Variants in DAPK1 observed in about 807,000 individuals in gnomAD.
The protein encoded by DAPK1 is death-associated protein kinase 1.
A neutral mutation model predicts 144.9 loss-of-function variants in DAPK1; 56 were observed. That is an observed-to-expected ratio of 0.39 (90% CI 0.31 to 0.48). The LOEUF is 0.48. Among genes scored for constraint, DAPK1 ranks in the 20% least tolerant of loss-of-function variants. The pLI, the probability that DAPK1 is intolerant of heterozygous loss-of-function variation, is 0.95. For synonymous variants in DAPK1, 690 were observed against 749.0 expected (o/e 0.92, Z 1.29); for missense variants, 1,454 against 1,875.4 (o/e 0.78, Z 4.15).
At chr9:87,550,859 T>G (rs549978476) in intron 2 of DAPK1, among the ~76,000 whole-genome samples, 68 of 152,366 alleles carry the variant, frequency 4.5e-4, no homozygotes, top group African/African-American at 1.5e-3. Flanking sequence ...GTGCCGTTTT[T>G]GGCTGTCGTG....
chr9:87,529,207 A>ACTTTACTT (rs1464220601), intron 2 of DAPK1, among the ~76,000 whole-genome samples: 8 of 152,166 alleles, frequency 5.3e-5, no homozygotes, highest in Non-Finnish European at 1.0e-4. Flanking sequence ...TTCCAAGTGT[A>ACTTTACTT]CTTTACTTCC....
rs550935028 is a variant in DAPK1 at position 87,621,577 on chromosome 9, A to C, written c.285-16366A>C. On this transcript the variant is annotated intron_variant, in intron 3 of 25. Coordinates refer to ENST00000408954, the MANE Select transcript of DAPK1 (RefSeq NM_004938.4). Reference sequence around the variant, plus strand: ...GTGTGCCATTTTCTGAGTATTTTCCAGACTCTGTGTTTCTCTTGAAATCTA... The same window carrying C: ...GTGTGCCATTTTCTGAGTATTTTCCCGACTCTGTGTTTCTCTTGAAATCTA... 2.7e-4 allele frequency among the ~76,000 whole-genome samples: 41 copies of C among 152,132 alleles called. 4 individuals carry two copies. The South Asian group carries it at 7.7e-3, about 29-fold the overall frequency.
Position 87,706,788 on chromosome 9 carries a change from C to T in DAPK1, c.3717C>T (p.Pro1239=), listed in dbSNP as rs1825657289. ...TGACCGTGAAGCATTACCTGAGCCCCCAGCAGCTGCGGGAGCACCATGAGC... is the reference window on the plus strand; with the variant it reads ...TGACCGTGAAGCATTACCTGAGCCCTCAGCAGCTGCGGGAGCACCATGAGC... ...GLLTVKHYLS[P]QQLREHHEPV... is the part of the protein sequence containing the mutation. The change falls in exon 26 of 26, where the codon CCC becomes CCT. Residue 1239 remains proline (P), a synonymous_variant. Transcript: ENST00000408954. This position sits in a 1 kb window ranked among gnomAD's most constrained non-coding sequence, Gnocchi z 9.0. 1 of 1,613,442 alleles carries T rather than the reference C, an allele frequency of 6.2e-7. No homozygotes were observed. Among genetic ancestry groups the T allele is most frequent in the African/African-American group, 1.3e-5 (1 of 74,924 alleles).
intron 3 of DAPK1, among the ~76,000 whole-genome samples, chr9:87,605,388 G>A (rs1005940163): frequency 6.6e-6 from 1 of 152,164 alleles, no homozygotes; most frequent in Admixed American, 6.5e-5. Context: ...CATCACTGTG[G>A]TTCCACCCAG....
In DAPK1 at chr9:87,698,685, CA is replaced by C. The variant is rs1825350860; in HGVS notation, c.2643del (p.Val882LeufsTer11). On this transcript the variant is annotated frameshift_variant, in exon 23 of 26. Transcript: ENST00000408954. LOFTEE classifies it high-confidence loss of function. ...AFGGKLKNPL[Q>X]VVLVATHADI... ...CGGTGGCAAGCTGAAGAACCCACTC[CA>C]AGTTGTCCTGGTGGCCACCCACGCT... is the stretch of plus-strand genomic sequence containing the variant. 5.0e-6 allele frequency: 8 copies of C among 1,605,912 alleles called. No homozygotes were observed. The highest frequency in any genetic ancestry group is 6.8e-6 in the Non-Finnish European group (8 of 1,172,520).
At chr9:87,696,650 G>A (rs3128492) in intron 21 of DAPK1, among the ~76,000 whole-genome samples, 57,409 of 151,912 alleles carry the variant, frequency 0.38, 12,245 homozygotes, top group Middle Eastern at 0.59. Flanking sequence ...ATCAATCCAC[G>A]TTCTCAGGAC....
At chr9:87,633,083 G>A (rs1829768170) in intron 3 of DAPK1, 1 of 979,550 alleles carries the variant, frequency 1.0e-6, no homozygotes. Flanking sequence ...GAATATATAT[G>A]TAGGAATGAA....
intron 2 of DAPK1, among the ~76,000 whole-genome samples, chr9:87,554,973 G>A (rs1266662485): frequency 1.3e-5 from 2 of 152,206 alleles, no homozygotes; most frequent in African/African-American, 4.8e-5. Flanking sequence ...TTGATCTCTG[G>A]AGAGGGTTCT....
At chr9:87,614,983 T>C (rs1320103471) in intron 3 of DAPK1, among the ~76,000 whole-genome samples, 13 of 152,160 alleles carry the variant, frequency 8.5e-5, no homozygotes, top group Admixed American at 8.5e-4. Context: ...CGGGGATGGT[T>C]CGTCTCCAGC....
intron 2 of DAPK1, among the ~76,000 whole-genome samples, chr9:87,521,950 T>C (rs1359960580): frequency 6.6e-6 from 1 of 152,210 alleles, no homozygotes; most frequent in Non-Finnish European, 1.5e-5. Context: ...GGTGGCTTTA[T>C]AAGAGGAAGA....
At chr9:87,636,202 T>C (rs1353489515) in intron 3 of DAPK1, among the ~76,000 whole-genome samples, 1 of 152,166 alleles carries the variant, frequency 6.6e-6, no homozygotes, top group Non-Finnish European at 1.5e-5. Context: ...AGGCCACTGC[T>C]GAGGCAGGGT....
intron 2 of DAPK1, among the ~76,000 whole-genome samples, chr9:87,550,793 A>G (rs1054210083): frequency 4.6e-5 from 7 of 152,226 alleles, no homozygotes; most frequent in Non-Finnish European, 8.8e-5. Context: ...GTAGTGCTCC[A>G]TTCTAGAAAT....
chr9:87,594,247 T>A (rs1828238782), intron 2 of DAPK1, among the ~76,000 whole-genome samples: 1 of 152,186 alleles, frequency 6.6e-6, no homozygotes, highest in African/African-American at 2.4e-5. Context: ...ACACTTACTT[T>A]CTTCCTTCCT....
intron 19 of DAPK1, among the ~76,000 whole-genome samples, chr9:87,674,390 C>CT (rs1196681161): frequency 2.0e-5 from 3 of 151,728 alleles, no homozygotes; most frequent in East Asian, 3.9e-4. Context: ...TGGTGTGTGC[C>CT]TGTAGTCCCA....
At position 87,686,185 on chromosome 9, in the gene DAPK1, C is replaced by T. The variant is rs1165588254; in HGVS notation, c.2225-366C>T. 1.3e-5 allele frequency among the ~76,000 whole-genome samples: 2 copies of T among 152,118 alleles called. No homozygotes were observed. The highest frequency in any genetic ancestry group is 4.8e-5 in the African/African-American group (2 of 41,412). On this transcript the variant is annotated intron_variant, in intron 20 of 25. Coordinates refer to ENST00000408954, the MANE Select transcript of DAPK1 (RefSeq NM_004938.4). The surrounding 1 kb of genome is among the most constrained non-coding windows in gnomAD (Gnocchi z 4.2). Reference sequence around the variant, plus strand: ...GAGACTGCGAGTATCAGCAAAGTAGCAGGAAGTGAGAAGGGAAGAAACCCG... The same window carrying T: ...GAGACTGCGAGTATCAGCAAAGTAGTAGGAAGTGAGAAGGGAAGAAACCCG...
chr9:87,690,574 G>A (rs1327655731), intron 21 of DAPK1, among the ~76,000 whole-genome samples: 2 of 151,972 alleles, frequency 1.3e-5, no homozygotes, highest in Non-Finnish European at 2.9e-5. Flanking sequence ...GATGTAGGGG[G>A]CATTCTTGTC....
At chr9:87,529,263 C>G (rs768868608) in intron 2 of DAPK1, among the ~76,000 whole-genome samples, 1 of 152,188 alleles carries the variant, frequency 6.6e-6, no homozygotes, top group Non-Finnish European at 1.5e-5. Flanking sequence ...CACTCCTGCT[C>G]TAAAACTTGC....
At chr9:87,670,929 T>TA (rs749107092) in intron 19 of DAPK1, among the ~76,000 whole-genome samples, 12 of 152,056 alleles carry the variant, frequency 7.9e-5, no homozygotes, top group Non-Finnish European at 1.3e-4. Context: ...CATGCCCCCT[T>TA]AGCAATGGTC....
chr9:87,675,860 C>T, intron 19 of DAPK1, among the ~76,000 whole-genome samples: 1 of 149,142 alleles, frequency 6.7e-6, no homozygotes, highest in Admixed American at 6.7e-5. Flanking sequence ...CACACACACA[C>T]ACACACACAC....
Sources: gnomAD v4.1 joint callset for allele counts (sites outside exome capture counted in the v4.1 genomes callset) on GRCh38, gnomAD v4.1.1 for gene constraint, Gnocchi (gnomAD v3.1) non-coding constraint, MANE v1.5 for transcripts, NCBI Gene and HGNC (gene_info 2026-07-23, HGNC 2026-07-21) for gene names.